ACSM3: variants seen among roughly 807,000 people sequenced by gnomAD.
The protein encoded by ACSM3 is acyl-CoA synthetase medium chain family member 3.
ACSM3 carries 61 observed loss-of-function variants against 74.1 expected under a neutral mutation model. That is an observed-to-expected ratio of 0.82 (90% CI 0.67 to 1.02). ACSM3 has a LOEUF of 1.02. Among genes scored for constraint, ACSM3 ranks in the 50% least tolerant of loss-of-function variants. The probability of loss-of-function intolerance (pLI) is 0.00; values close to 1 mark genes in which losing one functional copy is unlikely to be tolerated. For missense variants in ACSM3, 660 were observed against 697.0 expected (o/e 0.95, Z 0.60); for synonymous variants, 213 against 241.5 (o/e 0.88, Z 1.09).
At chr16:20,741,449 C>A in intron 1 of ACSM3, 1 of 1,472,646 alleles carries the variant, frequency 6.8e-7, no homozygotes, top group South Asian at 1.4e-5. Flanking sequence ...CATCCCTCCA[C>A]CCTTCCCTCC....
At chr16:20,726,573 T>C (rs1231893595) in intron 1 of ACSM3, among the ~76,000 whole-genome samples, 1 of 152,242 alleles carries the variant, frequency 6.6e-6, no homozygotes, top group Non-Finnish European at 1.5e-5. Context: ...CCACATCCTC[T>C]GGTTCATTTG....
At chr16:20,784,847 ATGGT>A (rs1359529925) in intron 7 of ACSM3, 133 bp from the exon 8 acceptor site, 1 of 811,258 alleles carries the variant, frequency 1.2e-6, no homozygotes, top group African/African-American at 1.7e-5. Flanking sequence ...ATGGGGTAAA[ATGGT>A]TTGTTTTGTG....
chr16:20,777,275 C>A, intron 3 of ACSM3, 98 bp from the exon 4 acceptor site: 1 of 1,139,918 alleles, frequency 8.8e-7, no homozygotes, highest in Non-Finnish European at 1.2e-6. Context: ...GACTAACTCA[C>A]TCTGAGAAAT....
At chr16:20,708,232 T>C (rs2079733301) in intron 1 of ACSM3, among the ~76,000 whole-genome samples, 1 of 151,872 alleles carries the variant, frequency 6.6e-6, no homozygotes, top group African/African-American at 2.4e-5. Context: ...ACCCAGGAGG[T>C]GGAGGTTGCA....
chr16:20,700,311 A>C (rs2079709676), intron 1 of ACSM3, among the ~76,000 whole-genome samples: 1 of 152,194 alleles, frequency 6.6e-6, no homozygotes, highest in Non-Finnish European at 1.5e-5. Context: ...CTATGATAGA[A>C]AGGCAAAAGC....
At chr16:20,779,422 T>A (rs2080303265) in intron 4 of ACSM3, among the ~76,000 whole-genome samples, 2 of 66,426 alleles carry the variant, frequency 3.0e-5, no homozygotes, top group Admixed American at 1.9e-4. Context: ...AGAAACCCTG[T>A]CTCAAAAAAA....
chr16:20,761,099 A>ATTT (rs74552915), upstream of ACSM3, among the ~76,000 whole-genome samples: 1 of 146,712 alleles, frequency 6.8e-6, no homozygotes, highest in Non-Finnish European at 1.5e-5. Flanking sequence ...ATGTATACAC[A>ATTT]TTTTTTTTTT....
intron 1 of ACSM3, among the ~76,000 whole-genome samples, chr16:20,746,156 C>G (rs2079956769): frequency 6.6e-6 from 1 of 151,696 alleles, no homozygotes; most frequent in African/African-American, 2.4e-5. Context: ...TAATAATACT[C>G]ACATCATGGG....
chr16:20,690,960 C>A (rs766574735), intron 1 of ACSM3: 3 of 1,588,814 alleles, frequency 1.9e-6, no homozygotes, highest in African/African-American at 1.4e-5. Flanking sequence ...GTGAGGCCAC[C>A]CTTGTTCTTA....
chr16:20,733,794 G>A (rs1427006022), intron 1 of ACSM3: 2 of 152,060 alleles, frequency 1.3e-5, no homozygotes, highest in Non-Finnish European at 2.9e-5. Flanking sequence ...TTTAACCTCA[G>A]AGAATCATGT....
chr16:20,742,813 A>ATATTTT lies in ACSM3; in HGVS notation c.-189-7096_-189-7095insATTTTT, dbSNP rs61582869. 6.0e-4 allele frequency among the ~76,000 whole-genome samples: 40 copies of ATATTTT among 66,832 alleles called. No individual in the cohort carries two copies. The South Asian group carries it at 0.014, about 24-fold the overall frequency. The allele number at this position is 66,832 out of a possible 152,430, so 43.8% of individuals were successfully genotyped here. A position where few individuals can be genotyped will look rare whatever the true frequency, so the allele number is the denominator to read the frequency against. On this transcript the variant is annotated intron_variant, in intron 1 of 3. Coordinates refer to the ACSM3 transcript ENST00000561584. ...TGTAAATATATATATATATATATAT[A>ATATTTT]TTTTTTTTTTTTCCCTTCTCCCCTT...
intron 1 of ACSM3, among the ~76,000 whole-genome samples, chr16:20,692,289 A>T (rs2079661488): frequency 6.6e-6 from 1 of 152,166 alleles, no homozygotes; most frequent in South Asian, 2.1e-4. Context: ...GGTTTTATAT[A>T]CTTTAGGAAG....
At chr16:20,715,006 T>C (rs1488479569) in intron 1 of ACSM3, among the ~76,000 whole-genome samples, 2 of 152,134 alleles carry the variant, frequency 1.3e-5, no homozygotes, top group Non-Finnish European at 2.9e-5. Flanking sequence ...GATAGATAGA[T>C]AGGTAGATAG....
At chr16:20,759,260 T>A (rs1284477003), upstream of ACSM3, among the ~76,000 whole-genome samples, 3 of 152,148 alleles carry the variant, frequency 2.0e-5, no homozygotes, top group African/African-American at 7.2e-5. Flanking sequence ...ATGAAGCCTC[T>A]AAGAAACCCA....
Position 20,797,368 on chromosome 16 carries a change from G to A in ACSM3, c.*396G>A. The A allele has an allele frequency of 1.0e-6, 1 of 990,768 alleles. No individual in the cohort carries two copies. The highest frequency in any genetic ancestry group is 1.2e-6 in the Non-Finnish European group (1 of 830,114). The allele number at this position is 990,768 out of a possible 1,614,324, so 61.4% of individuals were successfully genotyped here. ...AAATAAAACTAAAGAACTTATAAAA[G>A]TTTTTAGAAAAATATAAAATATCAG... On this transcript the variant is annotated 3_prime_UTR_variant, in exon 14 of 14. Transcript: ENST00000289416.
At chr16:20,787,639 G>T (rs760302795) in intron 9 of ACSM3, among the ~76,000 whole-genome samples, 1 of 152,198 alleles carries the variant, frequency 6.6e-6, no homozygotes, top group Non-Finnish European at 1.5e-5. Context: ...CTTGATTGCT[G>T]CTGTAACTCT....
At chr16:20,773,014 A>C (rs1218680404) in intron 2 of ACSM3, among the ~76,000 whole-genome samples, 2 of 151,816 alleles carry the variant, frequency 1.3e-5, no homozygotes, top group African/African-American at 2.4e-5. Flanking sequence ...GGTAGAATTC[A>C]GCAGTAAAAC....
chr16:20,679,043 C>T (rs1234507295), intron 1 of ACSM3: 1 of 152,258 alleles, frequency 6.6e-6, no homozygotes, highest in Non-Finnish European at 1.5e-5. Context: ...AGACCCAGTA[C>T]ACCCTTTCAA....
intron 12 of ACSM3, among the ~76,000 whole-genome samples, chr16:20,793,890 G>A (rs758762351): frequency 2.0e-5 from 3 of 152,112 alleles, no homozygotes; most frequent in South Asian, 2.1e-4. Flanking sequence ...TGAGCCTTTC[G>A]GAACAGGGTT....
Sources: allele counts gnomAD v4.1 joint callset (sites outside exome capture counted in the v4.1 genomes callset), GRCh38; gene constraint gnomAD v4.1.1; transcripts MANE v1.5; gene names NCBI Gene and HGNC (gene_info 2026-07-23, HGNC 2026-07-21).